Variants in BRINP1 observed in about 807,000 individuals in gnomAD.
BRINP1 encodes BMP/retinoic acid-inducible neural-specific protein 1.
A neutral mutation model predicts 72.9 loss-of-function variants in BRINP1; 17 were observed. That is an observed-to-expected ratio of 0.23 (90% CI 0.16 to 0.35). BRINP1 has a LOEUF of 0.35. Among genes scored for constraint, BRINP1 ranks in the 10% least tolerant of loss-of-function variants. The probability of loss-of-function intolerance (pLI) is 1.00; values close to 1 mark genes in which losing one functional copy is unlikely to be tolerated. For synonymous variants in BRINP1, 418 were observed against 378.5 expected (o/e 1.10, Z -1.21); for missense variants, 850 against 1,001.6 (o/e 0.85, Z 2.04).
At chr9:119,273,610 C>T (rs1830627611) in intron 2 of BRINP1, among the ~76,000 whole-genome samples, 1 of 152,182 alleles carries the variant, frequency 6.6e-6, no homozygotes, top group Non-Finnish European at 1.5e-5. Flanking sequence ...CAGCACAATG[C>T]TTCTTCCCTC....
intron 3 of BRINP1, among the ~76,000 whole-genome samples, chr9:119,247,719 G>T (rs544868214): frequency 5.1e-4 from 75 of 148,246 alleles, no homozygotes; most frequent in African/African-American, 1.8e-3. Flanking sequence ...ACAGAATGCA[G>T]GCTTTGTGCA....
chr9:119,262,952 C>T (rs1830512288), intron 2 of BRINP1, among the ~76,000 whole-genome samples: 1 of 152,120 alleles, frequency 6.6e-6, no homozygotes, highest in Non-Finnish European at 1.5e-5. Context: ...ACTCTATAGA[C>T]AAAGAATGTA....
At position 119,167,110 on chromosome 9, in the gene BRINP1, C is replaced by A; in HGVS notation, c.2260G>T (p.Asp754Tyr). Reference protein sequence around the residue: ...LYNTEILKQSDQMTAKLC With the variant: ...LYNTEILKQSYQMTAKLC ...TAGCAGAGTTTGGCTGTCATCTGGT[C>A]CGACTGTTTGAGGATCTCCGTGTTG... Residue 754 changes from aspartate (D) to tyrosine (Y), a missense_variant, in exon 8 of 8, where the codon GAC becomes TAC. Transcript: ENST00000265922. The surrounding 1 kb of genome is among the most constrained non-coding windows in gnomAD (Gnocchi z 4.3). The A allele has an allele frequency of 1.2e-6, 2 of 1,609,240 alleles. No individual in the cohort carries two copies. The highest frequency in any genetic ancestry group is 2.2e-5 in the South Asian group (2 of 90,450).
At chr9:119,243,830 T>C (rs1830285112) in intron 3 of BRINP1, among the ~76,000 whole-genome samples, 1 of 152,176 alleles carries the variant, frequency 6.6e-6, no homozygotes, top group Non-Finnish European at 1.5e-5. Flanking sequence ...GGTCTAGGGA[T>C]ACAGAGTCAT....
At chr9:119,180,754 A>G (rs905223241) in intron 7 of BRINP1, among the ~76,000 whole-genome samples, 1 of 152,146 alleles carries the variant, frequency 6.6e-6, no homozygotes, top group African/African-American at 2.4e-5. Context: ...AGTTCTTCAC[A>G]TGGTGTCACA....
Position 119,197,784 on chromosome 9 carries a change from C to T in BRINP1, c.1145+10935G>A, listed in dbSNP as rs191821241. 2.6e-5 allele frequency among the ~76,000 whole-genome samples: 4 copies of T among 152,242 alleles called. No individual in the cohort carries two copies. The East Asian group carries it at 5.8e-4, about 22-fold the overall frequency. On this transcript the variant is annotated intron_variant, in intron 7 of 7. Coordinates refer to ENST00000265922, the MANE Select transcript of BRINP1 (RefSeq NM_014618.3). ...GTTTATTCCCAAACCTGTTTATGCC[C>T]GTTGCATTTGCTATTATTATATCTT...
At chr9:119,246,284 G>A (rs1026508041) in intron 3 of BRINP1, among the ~76,000 whole-genome samples, 4 of 152,192 alleles carry the variant, frequency 2.6e-5, no homozygotes, top group African/African-American at 9.7e-5. Flanking sequence ...ATTTGAGTCA[G>A]TGGACTGGGA....
At chr9:119,326,482 T>C (rs1311454351) in intron 1 of BRINP1, among the ~76,000 whole-genome samples, 1 of 152,224 alleles carries the variant, frequency 6.6e-6, no homozygotes, top group Non-Finnish European at 1.5e-5. Flanking sequence ...TTTTCTGTGA[T>C]CCTATTATAT....
intron 7 of BRINP1, among the ~76,000 whole-genome samples, chr9:119,200,152 T>G (rs1829789805): frequency 6.6e-6 from 1 of 152,236 alleles, no homozygotes; most frequent in African/African-American, 2.4e-5. Context: ...TGTGGCATAT[T>G]CGGAGAAGCA....
chr9:119,293,356 T>C (rs933715049), intron 2 of BRINP1, among the ~76,000 whole-genome samples: 4 of 152,146 alleles, frequency 2.6e-5, no homozygotes, highest in Non-Finnish European at 5.9e-5. Context: ...AGAATCTTTA[T>C]GTATGGATAA....
intron 1 of BRINP1, among the ~76,000 whole-genome samples, chr9:119,328,948 C>A (rs1831267192): frequency 6.6e-6 from 1 of 152,122 alleles, no homozygotes; most frequent in Non-Finnish European, 1.5e-5. Flanking sequence ...AGCATGGAAT[C>A]ATAAAAACCC....
intron 2 of BRINP1, among the ~76,000 whole-genome samples, chr9:119,311,064 C>T (rs897649881): frequency 6.6e-6 from 1 of 152,170 alleles, no homozygotes; most frequent in Non-Finnish European, 1.5e-5. Context: ...ACATCCTGCA[C>T]ATTTCTCTTT....
intron 2 of BRINP1, among the ~76,000 whole-genome samples, chr9:119,270,202 T>C (rs898675155): frequency 6.6e-6 from 1 of 151,998 alleles, no homozygotes; most frequent in Non-Finnish European, 1.5e-5. Flanking sequence ...TAGCGGGTAA[T>C]GTTGGGGAGA....
Position 119,167,889 on chromosome 9 carries a change from T to C in BRINP1, c.1481A>G (p.Lys494Arg). ...GTGGACGTAGAGGCGTGAGTCCATC[T>C]TCTGCAGCAGGTACTTCAGCTCCAG... Reference protein sequence around the residue: ...QDLELKYLLQKMDSRLYVHTT... With the variant: ...QDLELKYLLQRMDSRLYVHTT... The change falls in exon 8 of 8, where the codon AAG becomes AGG. Residue 494 changes from lysine (K) to arginine (R), a missense_variant. Transcript: ENST00000265922. The surrounding 1 kb of genome is among the most constrained non-coding windows in gnomAD (Gnocchi z 4.3). 6.2e-7 allele frequency: 1 copy of C among 1,614,220 alleles called. No individual in the cohort carries two copies. The highest frequency in any genetic ancestry group is 8.5e-7 in the Non-Finnish European group (1 of 1,180,038).
intron 2 of BRINP1, among the ~76,000 whole-genome samples, chr9:119,297,887 T>A (rs1298581948): frequency 2.0e-5 from 3 of 152,230 alleles, no homozygotes; most frequent in African/African-American, 7.2e-5. Context: ...CTTTGTTCTG[T>A]CTGCAGGAAC....
chr9:119,279,373 C>T (rs1400875328), intron 2 of BRINP1, among the ~76,000 whole-genome samples: 1 of 152,082 alleles, frequency 6.6e-6, no homozygotes, highest in South Asian at 2.1e-4. Context: ...CGCACGGTTC[C>T]CCTGTGAGGT....
chr9:119,315,851 T>G (rs1021421192), intron 1 of BRINP1, among the ~76,000 whole-genome samples: 1 of 152,208 alleles, frequency 6.6e-6, no homozygotes, highest in Non-Finnish European at 1.5e-5. Context: ...AGCCAAAGCC[T>G]AATTCAGAGT....
intron 7 of BRINP1, among the ~76,000 whole-genome samples, chr9:119,175,144 AAAG>A (rs972117595): frequency 2.4e-3 from 360 of 147,460 alleles, no homozygotes; most frequent in Non-Finnish European, 2.5e-3. Flanking sequence ...ACAAAAAAAA[AAAG>A]AAAATGTGGC....
At chr9:119,314,490 C>T (rs1831105751) in intron 1 of BRINP1, among the ~76,000 whole-genome samples, 2 of 152,208 alleles carry the variant, frequency 1.3e-5, no homozygotes, top group African/African-American at 4.8e-5. Context: ...CTCAGCCCCT[C>T]AAGTAGCTGG....
Sources: gnomAD v4.1 joint callset for allele counts (sites outside exome capture counted in the v4.1 genomes callset) on GRCh38, gnomAD v4.1.1 for gene constraint, Gnocchi (gnomAD v3.1) non-coding constraint, MANE v1.5 for transcripts, NCBI Gene and HGNC (gene_info 2026-07-23, HGNC 2026-07-21) for gene names.